The following GPC6 variants were observed in gnomAD, a reference collection of about 807,000 sequenced individuals.
GPC6 encodes glypican 6.
In GPC6, 14 loss-of-function variants were observed where a neutral mutation model predicts 55.2. The observed-to-expected ratio is 0.25, with a 90% confidence interval of 0.17 to 0.40. GPC6 has a LOEUF of 0.40. Among genes scored for constraint, GPC6 ranks in the 10% least tolerant of loss-of-function variants. The pLI, the probability that GPC6 is intolerant of heterozygous loss-of-function variation, is 1.00. For missense variants in GPC6, 641 were observed against 708.5 expected (o/e 0.90, Z 1.08); for synonymous variants, 278 against 259.6 (o/e 1.07, Z -0.68).
intron 3 of GPC6, among the ~76,000 whole-genome samples, chr13:93,982,500 C>T (rs1237100470): frequency 6.6e-6 from 1 of 152,150 alleles, no homozygotes; most frequent in Admixed American, 6.6e-5. Context: ...TTTAAAGATA[C>T]CGACCCTACA....
rs148033382 is a variant in GPC6, at chr13:94,012,296, A to G, written c.712-15433A>G. Among the ~76,000 whole-genome samples the G allele has an allele frequency of 2.4e-3, 370 of 152,246 alleles. 3 individuals carry two copies. The highest frequency in any genetic ancestry group is 8.4e-3 in the African/African-American group (350 of 41,552). On this transcript the variant is annotated intron_variant, in intron 3 of 8. Transcript: ENST00000377047. ...CTTTGAGGCTTTTCAGAAAAGGTCC[A>G]TGCTGGTACTTTGCAGGGTGAGGTT...
chr13:93,509,188 T>C (rs1433113983), intron 1 of GPC6, among the ~76,000 whole-genome samples: 1 of 152,196 alleles, frequency 6.6e-6, no homozygotes, highest in African/African-American at 2.4e-5. Flanking sequence ...CACATCATGC[T>C]ACCAAGTTCA....
chr13:94,228,784 A>G (rs1362276433), intron 4 of GPC6, among the ~76,000 whole-genome samples: 1 of 135,812 alleles, frequency 7.4e-6, no homozygotes, highest in Admixed American at 7.9e-5. Flanking sequence ...ATACACATAT[A>G]TCCTCTTTGG....
chr13:93,833,104 TGATAGAGA>T (rs765479503), intron 3 of GPC6, among the ~76,000 whole-genome samples: 8 of 61,602 alleles, frequency 1.3e-4, no homozygotes, highest in African/African-American at 2.3e-4. Context: ...GATAGGTAGA[TGATAGAGA>T]GAGAGAGAGA....
intron 1 of GPC6, among the ~76,000 whole-genome samples, chr13:93,234,155 T>C (rs928786164): frequency 3.3e-5 from 5 of 152,326 alleles, no homozygotes; most frequent in Admixed American, 2.0e-4. Context: ...GTCTACCCTG[T>C]TGCTGATGAC....
At chr13:93,332,907 T>C (rs1297078670) in intron 1 of GPC6, among the ~76,000 whole-genome samples, 2 of 152,206 alleles carry the variant, frequency 1.3e-5, no homozygotes, top group Non-Finnish European at 2.9e-5. Context: ...GGGGTTTCAT[T>C]CTTTTGCATA....
At chr13:93,291,965 G>A (rs148391601) in intron 1 of GPC6, among the ~76,000 whole-genome samples, 482 of 152,238 alleles carry the variant, frequency 3.2e-3, no homozygotes, top group African/African-American at 0.01. Flanking sequence ...AAGTTAAAAT[G>A]CTGTAAATAT....
intron 2 of GPC6, among the ~76,000 whole-genome samples, chr13:93,794,023 T>C (rs1473524739): frequency 1.3e-5 from 2 of 152,184 alleles, no homozygotes; most frequent in Non-Finnish European, 2.9e-5. Context: ...GACATAGGGA[T>C]TATAATTTCA....
chr13:94,284,155 C>G (rs1892464664), intron 4 of GPC6, among the ~76,000 whole-genome samples: 1 of 152,146 alleles, frequency 6.6e-6, no homozygotes, highest in African/African-American at 2.4e-5. Context: ...CACGTGGCTG[C>G]TCAGTGGGCC....
At chr13:93,477,347 TGAGA>T (rs1879337762) in intron 1 of GPC6, among the ~76,000 whole-genome samples, 2 of 152,170 alleles carry the variant, frequency 1.3e-5, no homozygotes, top group South Asian at 4.1e-4. Context: ...TTTCCATGAA[TGAGA>T]GAAAGGAAGA....
the GPC6 span, among the ~76,000 whole-genome samples, chr13:93,219,088 CTAT>C: frequency 1.4e-5 from 2 of 138,648 alleles, no homozygotes; most frequent in Non-Finnish European, 3.2e-5. Flanking sequence ...TCTTTCTTTC[CTAT>C]TTTTTTTTTT....
chr13:94,191,636 A>G (rs1889399304), intron 4 of GPC6, among the ~76,000 whole-genome samples: 1 of 151,900 alleles, frequency 6.6e-6, no homozygotes, highest in East Asian at 1.9e-4. Flanking sequence ...TAGTAGAGGC[A>G]AGTTTGAAGG....
chr13:93,401,442 T>G (rs1398728779), intron 1 of GPC6, among the ~76,000 whole-genome samples: 1 of 151,976 alleles, frequency 6.6e-6, no homozygotes, highest in African/African-American at 2.4e-5. Flanking sequence ...ACCAGACATG[T>G]CATATAGTTA....
chr13:93,676,126 AATATATATATATATATATAT>A (rs764101821), intron 2 of GPC6, among the ~76,000 whole-genome samples: 16 of 15,686 alleles, frequency 1.0e-3, no homozygotes, highest in East Asian at 4.4e-3. Context: ...AAAAAAAAAA[AATATATATATATATATATAT>A]ATATATATAT....
intron 2 of GPC6, among the ~76,000 whole-genome samples, chr13:93,610,781 T>C (rs533376374): frequency 5.3e-5 from 8 of 152,272 alleles, no homozygotes; most frequent in African/African-American, 1.4e-4. Context: ...GATTTTTTTT[T>C]CTTCTGTTTT....
chr13:94,201,477 T>A lies in GPC6; in HGVS notation c.878-84872T>A, dbSNP rs995815604. Among the ~76,000 whole-genome samples, 9 of 152,206 alleles carry A rather than the reference T, an allele frequency of 5.9e-5. 1 individual carries two copies. Among genetic ancestry groups the A allele is most frequent in the African/African-American group, 2.2e-4 (9 of 41,508 alleles). ...AGAAAACAAAACACACACCAAAAAA[T>A]ATATATATCTTAACACCTTTGGGGA... On this transcript the variant is annotated intron_variant, in intron 4 of 8. Transcript: ENST00000377047.
intron 6 of GPC6, among the ~76,000 whole-genome samples, chr13:94,368,165 A>C (rs1879369398): frequency 6.6e-6 from 1 of 151,370 alleles, no homozygotes; most frequent in African/African-American, 2.4e-5. Flanking sequence ...AAAAAAAAAA[A>C]AGTACCACAC....
intron 4 of GPC6, among the ~76,000 whole-genome samples, chr13:94,034,671 A>G (rs1883272600): frequency 6.6e-6 from 1 of 152,002 alleles, no homozygotes; most frequent in South Asian, 2.1e-4. Context: ...TTGTTCATCC[A>G]TTTATTTCTA....
intron 2 of GPC6, among the ~76,000 whole-genome samples, chr13:93,610,585 T>C (rs892673112): frequency 6.6e-6 from 1 of 152,180 alleles, no homozygotes. Flanking sequence ...CATACATGCA[T>C]ATACATATAT....
Sources: gnomAD v4.1 joint callset for allele counts (sites outside exome capture counted in the v4.1 genomes callset) on GRCh38, gnomAD v4.1.1 for gene constraint, MANE v1.5 for transcripts, NCBI Gene and HGNC (gene_info 2026-07-23, HGNC 2026-07-21) for gene names.